TAF4: variants seen among roughly 807,000 people sequenced by gnomAD.
TAF4 encodes TATA-box binding protein associated factor 4.
Under a neutral mutation model 90.3 loss-of-function variants are expected in TAF4, and 9 were observed. The ratio of observed to expected loss-of-function variants is 0.10; its 90% CI spans 0.06 to 0.17. The LOEUF (loss-of-function observed/expected upper bound fraction) is 0.17. Ranked by LOEUF, TAF4 falls within the 10% of genes least tolerant of loss-of-function variation. TAF4 has a pLI of 1.00. For missense variants in TAF4, 1,351 were observed against 1,370.7 expected (o/e 0.99, Z 0.23); for synonymous variants, 818 against 638.9 (o/e 1.28, Z -4.23).
chr20:61,981,257 CG>C (rs1483030475), intron 14 of TAF4: 3 of 152,158 alleles, frequency 2.0e-5, no homozygotes, highest in East Asian at 3.9e-4. Context: ...CCCAGAGCCA[CG>C]GGAAAGTCAG....
At chr20:62,026,153 G>A (rs1353824123) in intron 1 of TAF4, among the ~76,000 whole-genome samples, 1 of 152,136 alleles carries the variant, frequency 6.6e-6, no homozygotes, top group Non-Finnish European at 1.5e-5. Context: ...TTCACAGCTA[G>A]CACACGACCT....
intron 1 of TAF4, among the ~76,000 whole-genome samples, chr20:62,022,192 G>A (rs1052379277): frequency 1.3e-5 from 2 of 152,186 alleles, no homozygotes; most frequent in African/African-American, 4.8e-5. Flanking sequence ...GGCCTGCGAT[G>A]GTTTCTGTCC....
intron 1 of TAF4, among the ~76,000 whole-genome samples, chr20:62,050,530 C>T (rs774630247): frequency 8.5e-5 from 13 of 152,126 alleles, no homozygotes; most frequent in Non-Finnish European, 1.5e-4. Flanking sequence ...TCTCCCCCAC[C>T]CCTCCCCAGC....
At chr20:62,029,951 T>C (rs1600851813) in intron 1 of TAF4, among the ~76,000 whole-genome samples, 1 of 150,980 alleles carries the variant, frequency 6.6e-6, no homozygotes, top group South Asian at 2.1e-4. Flanking sequence ...CCCACAGTGG[T>C]CAGGGGAAGC....
intron 5 of TAF4, 58 bp downstream of exon 5, chr20:62,008,994 T>C (rs1231142689): frequency 6.3e-7 from 1 of 1,577,782 alleles, no homozygotes; most frequent in Non-Finnish European, 8.6e-7. Context: ...CAGCAACAGG[T>C]GTCTGTCCTA....
At chr20:61,998,281 A>C (rs2055676021) in intron 12 of TAF4, 89 bp from the exon 13 acceptor site, 2 of 1,363,012 alleles carry the variant, frequency 1.5e-6, no homozygotes, top group African/African-American at 1.5e-5. Context: ...ACTATACAAT[A>C]ACATCTAGGT....
intron 1 of TAF4, among the ~76,000 whole-genome samples, chr20:62,019,237 G>A (rs1028672961): frequency 6.6e-6 from 1 of 152,212 alleles, no homozygotes; most frequent in Non-Finnish European, 1.5e-5. Flanking sequence ...GGCTGGCACA[G>A]CTCAGGTGCC....
At chr20:62,032,728 T>C (rs1393613326) in intron 1 of TAF4, among the ~76,000 whole-genome samples, 1 of 152,150 alleles carries the variant, frequency 6.6e-6, no homozygotes, top group African/African-American at 2.4e-5. Context: ...GAACCCAACT[T>C]TCAGACAACC....
chr20:62,028,212 C>T (rs575554444), intron 1 of TAF4, among the ~76,000 whole-genome samples: 85 of 152,308 alleles, frequency 5.6e-4, no homozygotes, highest in Admixed American at 1.2e-3. Context: ...ACCCAACACA[C>T]GGGTTCTGGC....
rs1175292519 is a variant in TAF4, at chr20:62,065,856, G to C, written c.-46C>G. 8.3e-7 allele frequency: 1 copy of C among 1,209,672 alleles called. No homozygotes were observed. Among genetic ancestry groups the C allele is most frequent in the Non-Finnish European group, 1.1e-6 (1 of 950,758 alleles). The allele number at this position is 1,209,672 out of a possible 1,614,324, so 74.9% of individuals were successfully genotyped here. On this transcript the variant is annotated 5_prime_UTR_variant, in exon 1 of 15. Coordinates refer to ENST00000252996, the MANE Select transcript of TAF4 (RefSeq NM_003185.4). ...CGCCGCCGCCGCTCGGGCCGAGCGC[G>C]CCTGGGCGAGGAGGAGGTTCCGACT...
chr20:61,993,036 T>C (rs1051896174), intron 14 of TAF4, among the ~76,000 whole-genome samples: 1 of 152,146 alleles, frequency 6.6e-6, no homozygotes, highest in African/African-American at 2.4e-5. Flanking sequence ...CCTGGATATA[T>C]GGAAGAAAAC....
At position 61,975,597 on chromosome 20, in the gene TAF4, G is replaced by A. The variant is rs1229662968; in HGVS notation, c.*571C>T. ...TGCGATTACACTCTGAGGTGGGGGT[G>A]CAACGATGAATTGTGTATTCCTCCA... is the stretch of plus-strand genomic sequence containing the variant. On this transcript the variant is annotated 3_prime_UTR_variant, in exon 15 of 15. Coordinates refer to ENST00000252996, the MANE Select transcript of TAF4 (RefSeq NM_003185.4). 1 of 145,548 alleles carries A rather than the reference G, an allele frequency of 6.9e-6. No homozygotes were observed. Among genetic ancestry groups the A allele is most frequent in the East Asian group, 2.2e-4 (1 of 4,514 alleles). 9.0% of individuals were successfully genotyped at this position (145,548 alleles called of 1,614,324 possible). A position where few individuals can be genotyped will look rare whatever the true frequency, so the allele number is the denominator to read the frequency against.
At chr20:61,997,804 A>G (rs2055672628) in intron 13 of TAF4, 135 bp from the exon 14 acceptor site, 3 of 1,154,974 alleles carry the variant, frequency 2.6e-6, no homozygotes, top group African/African-American at 3.2e-5. Context: ...GACTTTCTCA[A>G]TAGTAAGCAT....
At chr20:62,050,196 C>T (rs566941354) in intron 1 of TAF4, among the ~76,000 whole-genome samples, 84 of 152,300 alleles carry the variant, frequency 5.5e-4, no homozygotes, top group Non-Finnish European at 9.7e-4. Context: ...TGCACAGCAG[C>T]GACCAGGGCA....
chr20:62,041,131 CGA>C (rs1378047306), intron 1 of TAF4, among the ~76,000 whole-genome samples: 1 of 152,202 alleles, frequency 6.6e-6, no homozygotes, highest in Non-Finnish European at 1.5e-5. Context: ...ACACCGACGG[CGA>C]GAGGCGGCCC....
chr20:61,996,888 G>C (rs1568925933), intron 14 of TAF4, among the ~76,000 whole-genome samples: 1 of 150,908 alleles, frequency 6.6e-6, no homozygotes, highest in Non-Finnish European at 1.5e-5. Context: ...TGCACCACAA[G>C]AAATCCCAAC....
Position 62,006,330 on chromosome 20 carries a change from C to G in TAF4, c.2223+180G>C. 2 of 849,154 alleles carry G rather than the reference C, an allele frequency of 2.4e-6. No homozygotes were observed. The highest frequency in any genetic ancestry group is 3.2e-6 in the Non-Finnish European group (2 of 632,360). The allele number at this position is 849,154 out of a possible 1,614,324, so 52.6% of individuals were successfully genotyped here. On this transcript the variant is annotated intron_variant, in intron 7 of 14. Coordinates refer to ENST00000252996, the MANE Select transcript of TAF4 (RefSeq NM_003185.4). The surrounding 1 kb of genome is among the most constrained non-coding windows in gnomAD (Gnocchi z 7.0). ...ATTTTACTGAGACAAAATACAACATCCCAGGGCCTCAACCTCTGGTTTCTA... is the reference window on the plus strand; with the variant it reads ...ATTTTACTGAGACAAAATACAACATGCCAGGGCCTCAACCTCTGGTTTCTA...
chr20:62,001,383 T>G (rs1164116772), intron 9 of TAF4, among the ~76,000 whole-genome samples: 1 of 152,228 alleles, frequency 6.6e-6, no homozygotes, highest in East Asian at 1.9e-4. Flanking sequence ...TCCTGACTCC[T>G]GGGCTGCCCC....
chr20:62,035,932 A>C (rs2055929783), intron 1 of TAF4, among the ~76,000 whole-genome samples: 1 of 152,150 alleles, frequency 6.6e-6, no homozygotes, highest in Non-Finnish European at 1.5e-5. Flanking sequence ...ACAAACAATA[A>C]ACATAGAAAA....
Sources: gnomAD v4.1 joint callset for allele counts (sites outside exome capture counted in the v4.1 genomes callset) on GRCh38, gnomAD v4.1.1 for gene constraint, Gnocchi (gnomAD v3.1) non-coding constraint, MANE v1.5 for transcripts, NCBI Gene and HGNC (gene_info 2026-07-23, HGNC 2026-07-21) for gene names.